The following TMEM178B variants were observed in gnomAD, a reference collection of about 807,000 sequenced individuals.
TMEM178B encodes the protein transmembrane protein 178B.
A neutral mutation model predicts 31.0 loss-of-function variants in TMEM178B; 5 were observed. The observed-to-expected ratio is 0.16, with a 90% CI of 0.08 to 0.34. The LOEUF (loss-of-function observed/expected upper bound fraction) is 0.34, where lower values mean the gene tolerates loss of function less well. Among genes scored for constraint, TMEM178B ranks in the 10% least tolerant of loss-of-function variants. TMEM178B has a pLI of 1.00. For missense variants in TMEM178B, 275 were observed against 400.3 expected (o/e 0.69, Z 2.67); for synonymous variants, 164 against 164.0 (o/e 1.00, Z 0.00).
chr7:141,232,131 G>A (rs1013182217), intron 2 of TMEM178B, among the ~76,000 whole-genome samples: 1 of 152,148 alleles, frequency 6.6e-6, no homozygotes, highest in African/African-American at 2.4e-5. Context: ...CCCTGCAAAG[G>A]ACATGCTCTC....
At chr7:141,226,474 A>G (rs935902992) in intron 2 of TMEM178B, among the ~76,000 whole-genome samples, 1 of 152,100 alleles carries the variant, frequency 6.6e-6, no homozygotes, top group African/African-American at 2.4e-5. Flanking sequence ...TTTACATCAA[A>G]AAGAATAGGG....
At chr7:141,271,127 C>T (rs1462773824) in intron 2 of TMEM178B, among the ~76,000 whole-genome samples, 2 of 152,144 alleles carry the variant, frequency 1.3e-5, no homozygotes, top group Non-Finnish European at 2.9e-5. Context: ...GAGTCCCTAC[C>T]CCAGCAATGG....
chr7:141,350,021 A>G (rs1336526295), intron 2 of TMEM178B, among the ~76,000 whole-genome samples: 1 of 151,946 alleles, frequency 6.6e-6, no homozygotes, highest in Non-Finnish European at 1.5e-5. Flanking sequence ...CCATGCATCT[A>G]TCTGTCCATC....
chr7:141,205,539 G>A (rs558759993), intron 1 of TMEM178B, among the ~76,000 whole-genome samples: 1 of 152,308 alleles, frequency 6.6e-6, no homozygotes, highest in Non-Finnish European at 1.5e-5. Flanking sequence ...CTGGAGGAAG[G>A]GGATCTGGGA....
intron 2 of TMEM178B, among the ~76,000 whole-genome samples, chr7:141,374,835 G>C (rs763548016): frequency 2.6e-5 from 4 of 152,202 alleles, no homozygotes; most frequent in Non-Finnish European, 5.9e-5. Context: ...CATTACTGGA[G>C]ACCTTGCCTT....
intron 3 of TMEM178B, among the ~76,000 whole-genome samples, chr7:141,460,633 A>T (rs1802044383): frequency 6.6e-6 from 1 of 152,348 alleles, no homozygotes; most frequent in South Asian, 2.1e-4. Context: ...CAGTCCCTGT[A>T]GTCGCTTGAG....
chr7:141,448,346 C>T (rs180901622), intron 3 of TMEM178B, among the ~76,000 whole-genome samples: 71 of 152,046 alleles, frequency 4.7e-4, no homozygotes, highest in African/African-American at 1.7e-3. Context: ...ATGTGATTAA[C>T]GTTGGGTATG....
chr7:141,269,096 C>CCT (rs1554470045), intron 2 of TMEM178B, among the ~76,000 whole-genome samples: 3 of 140,364 alleles, frequency 2.1e-5, no homozygotes, highest in Admixed American at 7.2e-5. Flanking sequence ...AATTTTTTTT[C>CCT]TTTTTTTTTT....
chr7:141,413,242 T>C (rs1467380588), intron 2 of TMEM178B, among the ~76,000 whole-genome samples: 3 of 152,214 alleles, frequency 2.0e-5, no homozygotes, highest in Non-Finnish European at 2.9e-5. Context: ...TTTTCTATTT[T>C]TCTATAGAAA....
chr7:141,399,113 T>A (rs2116616309), intron 2 of TMEM178B, among the ~76,000 whole-genome samples: 1 of 152,368 alleles, frequency 6.6e-6, no homozygotes, highest in East Asian at 1.9e-4. Flanking sequence ...CAATGCTAAT[T>A]CTGACCAGAT....
intron 3 of TMEM178B, among the ~76,000 whole-genome samples, chr7:141,452,774 G>A (rs1438844302): frequency 6.6e-6 from 1 of 152,138 alleles, no homozygotes. Context: ...CTCTATAAAT[G>A]TTCATTTCCC....
At chr7:141,439,812 C>T (rs1801624867) in intron 3 of TMEM178B, among the ~76,000 whole-genome samples, 1 of 152,160 alleles carries the variant, frequency 6.6e-6, no homozygotes, top group African/African-American at 2.4e-5. Context: ...ATTTGAGGCT[C>T]CTTCATGGTT....
At chr7:141,132,926 C>T (rs927386622) in intron 1 of TMEM178B, among the ~76,000 whole-genome samples, 21 of 152,210 alleles carry the variant, frequency 1.4e-4, no homozygotes, top group African/African-American at 5.1e-4. Flanking sequence ...CCGTAACCTC[C>T]ACTAACAACT....
chr7:141,385,810 A>G (rs1391265387), intron 2 of TMEM178B, among the ~76,000 whole-genome samples: 1 of 152,108 alleles, frequency 6.6e-6, no homozygotes, highest in Non-Finnish European at 1.5e-5. Context: ...GTCCACTTCT[A>G]TTTCTGCAAG....
intron 2 of TMEM178B, among the ~76,000 whole-genome samples, chr7:141,302,292 G>T (rs1798742023): frequency 6.6e-6 from 1 of 152,216 alleles, no homozygotes; most frequent in Non-Finnish European, 1.5e-5. Flanking sequence ...CTCCAACATG[G>T]ATGAACCTTG....
At chr7:141,146,689 T>A (rs1795858438) in intron 1 of TMEM178B, among the ~76,000 whole-genome samples, 1 of 152,242 alleles carries the variant, frequency 6.6e-6, no homozygotes, top group East Asian at 1.9e-4. Context: ...TGTAGCAGCA[T>A]GGCGTTTGGC....
intron 2 of TMEM178B, among the ~76,000 whole-genome samples, chr7:141,223,522 T>G (rs1797289947): frequency 1.3e-5 from 2 of 150,120 alleles, no homozygotes; most frequent in Non-Finnish European, 2.9e-5. Flanking sequence ...CTAACTCTGG[T>G]TTAACTTTGG....
intron 1 of TMEM178B, among the ~76,000 whole-genome samples, chr7:141,110,873 G>C (rs1253901927): frequency 6.6e-6 from 1 of 152,162 alleles, no homozygotes; most frequent in Non-Finnish European, 1.5e-5. Flanking sequence ...AGAGCTCGCT[G>C]TCTTGTTCTC....
At chr7:141,486,775 T>G in the TMEM178B span, among the ~76,000 whole-genome samples, 81 of 152,184 alleles carry the variant, frequency 5.3e-4, no homozygotes, top group African/African-American at 1.9e-3. Flanking sequence ...AACAAACTAA[T>G]CTTTACCCTG....
Sources: allele counts gnomAD v4.1 joint callset (sites outside exome capture counted in the v4.1 genomes callset), GRCh38; gene constraint gnomAD v4.1.1; transcripts MANE v1.5; gene names NCBI Gene and HGNC (gene_info 2026-07-23, HGNC 2026-07-21).